KCNIP4: variants seen among roughly 807,000 people sequenced by gnomAD.
KCNIP4 encodes potassium voltage-gated channel interacting protein 4.
A neutral mutation model predicts 34.0 loss-of-function variants in KCNIP4; 12 were observed. The ratio of observed to expected loss-of-function variants is 0.35; its 90% CI spans 0.23 to 0.57. The LOEUF (loss-of-function observed/expected upper bound fraction) is 0.57, where lower values mean the gene tolerates loss of function less well. Ranked by LOEUF, KCNIP4 falls within the 20% of genes least tolerant of loss-of-function variation. The pLI is 0.83. For synonymous variants in KCNIP4, 124 were observed against 102.2 expected, an observed-to-expected ratio of 1.21 and a Z score of -1.29; for missense variants, 238 against 311.7, an observed-to-expected ratio of 0.76 and a Z score of 1.78.
chr4:20,948,312 A>G (rs116230608), intron 1 of KCNIP4, among the ~76,000 whole-genome samples: 1,783 of 152,320 alleles, frequency 0.012, 14 homozygotes, highest in Non-Finnish European at 0.019. Context: ...ATTGACCCAA[A>G]TCTTTCATTT....
chr4:21,608,475 T>C (rs1191825148), intron 1 of KCNIP4, among the ~76,000 whole-genome samples: 2 of 152,192 alleles, frequency 1.3e-5, no homozygotes, highest in Non-Finnish European at 2.9e-5. Flanking sequence ...TTGTGTCTCC[T>C]TCCTCCATTT....
intron 1 of KCNIP4, among the ~76,000 whole-genome samples, chr4:21,669,208 C>T (rs775878925): frequency 4.2e-4 from 64 of 151,014 alleles, no homozygotes; most frequent in Non-Finnish European, 8.3e-4. Flanking sequence ...TTGCTGCAGC[C>T]TCGACCTCCC....
At chr4:21,726,161 G>C (rs1486612838) in intron 1 of KCNIP4, among the ~76,000 whole-genome samples, 1 of 152,104 alleles carries the variant, frequency 6.6e-6, no homozygotes, top group Non-Finnish European at 1.5e-5. Flanking sequence ...CAAAGCAACT[G>C]GGACATCAGT....
chr4:21,881,116 T>C lies in KCNIP4; in HGVS notation c.61+67455A>G, dbSNP rs151295077. Among the ~76,000 whole-genome samples the C allele has an allele frequency of 8.7e-3, 1,331 of 152,264 alleles. 15 individuals are homozygous for C. Among genetic ancestry groups the C allele is most frequent in the South Asian group, 0.034 (165 of 4,826 alleles). ...TTTTTAAAGTCTCCAAGTTCTTAAT[T>C]TCCTGGCTTTATTCTAAAAGAAATT... On this transcript the variant is annotated intron_variant, in intron 1 of 8. Transcript: ENST00000382152.
chr4:20,982,712 A>C (rs1183562502), intron 1 of KCNIP4, among the ~76,000 whole-genome samples: 1 of 152,226 alleles, frequency 6.6e-6, no homozygotes. Flanking sequence ...TTAACATATT[A>C]AGAGAAACAA....
At chr4:20,836,925 T>G (rs1336652857) in intron 3 of KCNIP4, among the ~76,000 whole-genome samples, 2 of 152,064 alleles carry the variant, frequency 1.3e-5, no homozygotes, top group Non-Finnish European at 2.9e-5. Context: ...ATTCTTTGCT[T>G]ACTTATTAAT....
intron 1 of KCNIP4, among the ~76,000 whole-genome samples, chr4:21,428,885 A>G (rs1412863503): frequency 3.3e-5 from 5 of 152,144 alleles, no homozygotes; most frequent in Admixed American, 2.0e-4. Flanking sequence ...GAGTTCCCAT[A>G]TACTCTCTGC....
chr4:21,222,468 C>A (rs1164984008), intron 1 of KCNIP4, among the ~76,000 whole-genome samples: 2 of 152,000 alleles, frequency 1.3e-5, no homozygotes, highest in Admixed American at 1.3e-4. Context: ...TATAAAATTT[C>A]TTTCAATTTT....
At chr4:21,396,083 T>A (rs1037552204) in intron 1 of KCNIP4, among the ~76,000 whole-genome samples, 1 of 151,210 alleles carries the variant, frequency 6.6e-6, no homozygotes, top group Non-Finnish European at 1.5e-5. Flanking sequence ...TATACATATA[T>A]AAGACTATGT....
chr4:20,988,000 CAAAAAAAA>C (rs36044149), intron 1 of KCNIP4, among the ~76,000 whole-genome samples: 1 of 46,318 alleles, frequency 2.2e-5, no homozygotes, highest in Non-Finnish European at 4.0e-5. Flanking sequence ...GATTCCATCT[CAAAAAAAA>C]AAAAAAAAAA....
intron 1 of KCNIP4, among the ~76,000 whole-genome samples, chr4:21,643,858 T>C (rs1251869071): frequency 9.6e-6 from 1 of 103,874 alleles, no homozygotes; most frequent in East Asian, 2.1e-4. Flanking sequence ...GATAGATAGG[T>C]GATGATGATG....
At chr4:21,129,205 C>T (rs758944587) in intron 1 of KCNIP4, among the ~76,000 whole-genome samples, 7 of 152,196 alleles carry the variant, frequency 4.6e-5, no homozygotes, top group Non-Finnish European at 1.0e-4. Flanking sequence ...TCACTTTGCT[C>T]CTCCTTTGCC....
intron 1 of KCNIP4, among the ~76,000 whole-genome samples, chr4:21,234,371 T>A (rs1181843797): frequency 1.6e-5 from 2 of 128,468 alleles, no homozygotes; most frequent in East Asian, 4.4e-4. Context: ...ATATAATATA[T>A]AACATACATC....
chr4:21,778,046 T>C (rs1010618242), intron 1 of KCNIP4, among the ~76,000 whole-genome samples: 4 of 152,074 alleles, frequency 2.6e-5, no homozygotes, highest in Admixed American at 6.6e-5. Context: ...AGAACCAATA[T>C]AGGACAACTT....
intron 1 of KCNIP4, among the ~76,000 whole-genome samples, chr4:21,149,518 A>G (rs1185551752): frequency 1.3e-5 from 2 of 152,216 alleles, no homozygotes; most frequent in African/African-American, 4.8e-5. Context: ...ACGCAGGACC[A>G]TTCTAGGAGT....
chr4:21,323,611 C>T (rs965196511), intron 1 of KCNIP4, among the ~76,000 whole-genome samples: 1 of 152,060 alleles, frequency 6.6e-6, no homozygotes, highest in Non-Finnish European at 1.5e-5. Context: ...ATTTTTATGG[C>T]TGAGTAGTAC....
chr4:21,834,191 C>T (rs1406747153), intron 1 of KCNIP4, among the ~76,000 whole-genome samples: 6 of 152,158 alleles, frequency 3.9e-5, no homozygotes, highest in Non-Finnish European at 8.8e-5. Context: ...GCAGTATGGC[C>T]ATTTTCACGA....
rs946803265 is a variant in KCNIP4 at position 21,478,220 on chromosome 4, C to G, written c.61+470351G>C. 2.0e-5 allele frequency among the ~76,000 whole-genome samples: 3 copies of G among 151,072 alleles called. No homozygotes were observed. The Admixed American group carries it at 2.0e-4, about 10-fold the overall frequency. On this transcript the variant is annotated intron_variant, in intron 1 of 8. Transcript: ENST00000382152. The stretch of plus-strand genomic sequence containing the variant: ...AATTAACACTGAAAGATACAGAACC[C>G]TAGGCTCTTTTTACTATTTATTTAC...
intron 1 of KCNIP4, among the ~76,000 whole-genome samples, chr4:20,938,494 C>G (rs987347251): frequency 6.6e-6 from 1 of 152,148 alleles, no homozygotes; most frequent in Admixed American, 6.5e-5. Flanking sequence ...TCAAAATGAT[C>G]GGGCTTTAAG....
Sources: gnomAD v4.1 joint callset for allele counts (sites outside exome capture counted in the v4.1 genomes callset) on GRCh38, gnomAD v4.1.1 for gene constraint, MANE v1.5 for transcripts, NCBI Gene and HGNC (gene_info 2026-07-23, HGNC 2026-07-21) for gene names.